Variants in VPS13B observed in about 807,000 individuals in gnomAD.
VPS13B encodes the protein vacuolar protein sorting 13 homolog B.
In VPS13B, 285 loss-of-function variants were observed where a neutral mutation model predicts 426.4. The ratio of observed to expected loss-of-function variants is 0.67; its 90% confidence interval spans 0.61 to 0.74. VPS13B has a LOEUF of 0.74. VPS13B is among the 30% of genes least tolerant of loss of function. The pLI is 0.00. For missense variants in VPS13B, 4,537 were observed against 4,782.6 expected, an observed-to-expected ratio of 0.95 and a Z score of 1.51; for synonymous variants, 1,676 against 1,676.4, an observed-to-expected ratio of 1.00 and a Z score of 0.01.
At chr8:99,813,810 GTTCCTCAATC>G (rs1267186891) in intron 44 of VPS13B, among the ~76,000 whole-genome samples, 2 of 152,262 alleles carry the variant, frequency 1.3e-5, no homozygotes, top group South Asian at 4.2e-4. Flanking sequence ...TTAATTTTTG[GTTCCTCAATC>G]TAGCAGGTTT....
intron 33 of VPS13B, among the ~76,000 whole-genome samples, chr8:99,597,181 C>T (rs1415543974): frequency 6.6e-6 from 1 of 151,950 alleles, no homozygotes; most frequent in Non-Finnish European, 1.5e-5. Context: ...TTTGATGGGG[C>T]TTCCCATTAT....
intron 39 of VPS13B, among the ~76,000 whole-genome samples, chr8:99,729,526 C>T (rs1349749197): frequency 6.6e-6 from 1 of 152,174 alleles, no homozygotes; most frequent in Non-Finnish European, 1.5e-5. Context: ...AAGATCAATA[C>T]CTTTCTTGAC....
intron 39 of VPS13B, among the ~76,000 whole-genome samples, chr8:99,760,502 A>G (rs1810872805): frequency 6.6e-6 from 1 of 152,178 alleles, no homozygotes; most frequent in South Asian, 2.1e-4. Flanking sequence ...CAGTGATTTA[A>G]GTGGTAGGGC....
intron 7 of VPS13B, among the ~76,000 whole-genome samples, chr8:99,119,701 A>G (rs960848820): frequency 3.9e-5 from 6 of 152,220 alleles, no homozygotes; most frequent in African/African-American, 1.4e-4. Context: ...CTATAAATGT[A>G]GAATGTTCCA....
chr8:99,463,280 A>G (rs536231185), intron 23 of VPS13B, among the ~76,000 whole-genome samples: 14 of 152,222 alleles, frequency 9.2e-5, no homozygotes, highest in Admixed American at 2.0e-4. Flanking sequence ...AGAGTATTAT[A>G]TTTCTTTATG....
chr8:99,818,648 A>G (rs1814185300), intron 46 of VPS13B, 65 bp from the exon 47 acceptor site: 2 of 1,608,342 alleles, frequency 1.2e-6, no homozygotes, highest in South Asian at 2.2e-5. Context: ...TTGTTTCAGC[A>G]TCAAACAGCT....
At chr8:99,818,946 A>AG in intron 47 of VPS13B, 58 bp downstream of exon 47, 1 of 860,084 alleles carries the variant, frequency 1.2e-6, no homozygotes, top group Non-Finnish European at 1.7e-6. Flanking sequence ...TAAGTAGAAA[A>AG]GTAACCTTGC....
chr8:99,218,264 A>T (rs531192146), intron 17 of VPS13B, among the ~76,000 whole-genome samples: 6 of 152,344 alleles, frequency 3.9e-5, no homozygotes, highest in Middle Eastern at 3.4e-3. Context: ...ATGTGAGTCC[A>T]TATGTAGCAC....
At chr8:99,583,039 G>A (rs1226707552) in intron 33 of VPS13B, among the ~76,000 whole-genome samples, 1 of 152,072 alleles carries the variant, frequency 6.6e-6, no homozygotes, top group Non-Finnish European at 1.5e-5. Flanking sequence ...TCCCATCAGT[G>A]GCTCTACCAT....
chr8:99,502,006 CAG>C, intron 26 of VPS13B, 148 bp downstream of exon 26: 2 of 1,055,290 alleles, frequency 1.9e-6, no homozygotes, highest in Admixed American at 4.1e-5. Flanking sequence ...TCCTTTCTGA[CAG>C]AGTTTTGCTC....
intron 33 of VPS13B, among the ~76,000 whole-genome samples, chr8:99,634,308 T>A (rs1229502378): frequency 1.3e-5 from 2 of 152,056 alleles, no homozygotes; most frequent in East Asian, 3.8e-4. Context: ...TTCCTTTTCA[T>A]AATTTACAAC....
rs540662145 is a variant in VPS13B at position 99,779,269 on chromosome 8, TG to T, written c.7779+239del. Among the ~76,000 whole-genome samples, 8 of 152,364 alleles carry T rather than the reference TG, an allele frequency of 5.3e-5. No homozygotes were observed. In the East Asian group the frequency reaches 1.3e-3, roughly 26 times the overall value. ...GCATTGGAGATCATGCCCACATTTT[TG>T]TGACTAATGCACCACATCTGTGTGG... On this transcript the variant is annotated intron_variant, in intron 42 of 61. Transcript: ENST00000357162.
At chr8:99,080,599 T>C (rs1325230170) in intron 3 of VPS13B, among the ~76,000 whole-genome samples, 1 of 152,228 alleles carries the variant, frequency 6.6e-6, no homozygotes, top group African/African-American at 2.4e-5. Flanking sequence ...TAAATTATTA[T>C]GGTTCTAAAA....
At chr8:99,697,393 C>A (rs1832072937) in intron 35 of VPS13B, 1 of 621,546 alleles carries the variant, frequency 1.6e-6, no homozygotes, top group African/African-American at 1.8e-5. Context: ...TGGTCAGAGA[C>A]CCTGAAGGAC....
intron 19 of VPS13B, among the ~76,000 whole-genome samples, chr8:99,368,499 C>A (rs1406610216): frequency 6.6e-6 from 1 of 152,170 alleles, no homozygotes; most frequent in African/African-American, 2.4e-5. Flanking sequence ...ATTGTATCCT[C>A]TCAGTGCTTC....
chr8:99,102,146 A>G (rs1846789045), intron 4 of VPS13B, among the ~76,000 whole-genome samples: 1 of 152,132 alleles, frequency 6.6e-6, no homozygotes, highest in Non-Finnish European at 1.5e-5. Flanking sequence ...AATTTTGGAG[A>G]TTCTAAGCAA....
rs796774377 is a variant in VPS13B, at chr8:99,015,938, C to T, written c.147+2003C>T. Among the ~76,000 whole-genome samples, 77 of 152,226 alleles carry T rather than the reference C, an allele frequency of 5.1e-4. 1 individual carries two copies. Among genetic ancestry groups the T allele is most frequent in the African/African-American group, 1.8e-3 (74 of 41,548 alleles). ...ACGTACTCCCCACTCCTAAAAGAGG[C>T]GACTGGTAATCTGACTTCTGTCAAC... is the stretch of plus-strand genomic sequence containing the variant. On this transcript the variant is annotated intron_variant, in intron 2 of 61. Transcript: ENST00000357162.
chr8:99,499,630 AC>A (rs1287500352), intron 25 of VPS13B, among the ~76,000 whole-genome samples: 1 of 152,096 alleles, frequency 6.6e-6, no homozygotes, highest in Non-Finnish European at 1.5e-5. Flanking sequence ...CTAACCAAAA[AC>A]CTGATTTTTT....
At chr8:99,031,016 G>A (rs73699954) in intron 2 of VPS13B, among the ~76,000 whole-genome samples, 17 of 152,076 alleles carry the variant, frequency 1.1e-4, no homozygotes, top group Admixed American at 3.9e-4. Context: ...AGGAACTTTT[G>A]TTTATATCAG....
Sources: gnomAD v4.1 joint callset for allele counts (sites outside exome capture counted in the v4.1 genomes callset) on GRCh38, gnomAD v4.1.1 for gene constraint, MANE v1.5 for transcripts, NCBI Gene and HGNC (gene_info 2026-07-23, HGNC 2026-07-21) for gene names.